Variants in JPT1 observed in about 807,000 individuals in gnomAD.
JPT1 encodes the protein Jupiter microtubule associated homolog 1.
Under a neutral mutation model 17.0 loss-of-function variants are expected in JPT1, and 5 were observed. The observed-to-expected ratio is 0.29, with a 90% CI of 0.15 to 0.62. The LOEUF (loss-of-function observed/expected upper bound fraction) is 0.62, where lower values mean the gene tolerates loss of function less well. Ranked by LOEUF, JPT1 falls within the 20% of genes least tolerant of loss-of-function variation. The pLI, the probability that JPT1 is intolerant of heterozygous loss-of-function variation, is 0.85. For synonymous variants in JPT1, 71 were observed against 73.6 expected, an observed-to-expected ratio of 0.96 and a Z score of 0.18; for missense variants, 158 against 188.1, an observed-to-expected ratio of 0.84 and a Z score of 0.94.
In JPT1 at chr17:75,150,860, T is replaced by TTTTTGTTTTG. The variant is rs1224667240; in HGVS notation, c.57-2190_57-2189insCAAAACAAAA. On this transcript the variant is annotated intron_variant, in intron 1 of 4. Transcript: ENST00000409753. The stretch of plus-strand genomic sequence containing the variant: ...ACATTTTTCTTTCTTTTTTTTTTTT[T>TTTTTGTTTTG]TTTTTTTTTTTGAGACAGAATCCTG... Among the ~76,000 whole-genome samples the TTTTTGTTTTG allele has an allele frequency of 1.3e-3, 189 of 140,146 alleles. 1 individual carries two copies. Among genetic ancestry groups the TTTTTGTTTTG allele is most frequent in the African/African-American group, 4.8e-3 (186 of 38,922 alleles). 91.9% of individuals were successfully genotyped at this position (140,146 alleles called of 152,430 possible). A position where few individuals can be genotyped will look rare whatever the true frequency, so the allele number is the denominator to read the frequency against.
chr17:75,148,496 C>G (rs532848435), intron 2 of JPT1, 33 bp downstream of exon 2: 1 of 1,612,348 alleles, frequency 6.2e-7, no homozygotes, highest in Non-Finnish European at 8.5e-7. Flanking sequence ...TGGGCCCATC[C>G]CTTTGAACAG....
chr17:75,149,637 G>A (rs1208788652), intron 1 of JPT1, among the ~76,000 whole-genome samples: 1 of 152,100 alleles, frequency 6.6e-6, no homozygotes, highest in Non-Finnish European at 1.5e-5. Context: ...AAAGTGCTAG[G>A]ATTACAGGCA....
rs545035122 is a variant in JPT1 at position 75,137,846 on chromosome 17, C to T, written c.317-1596G>A. ...TATTTTTAGTAGAGACGGGGTTTCG[C>T]CATGTTGGCCAGGCTGGTCTCAAAC... is the stretch of plus-strand genomic sequence containing the variant. On this transcript the variant is annotated intron_variant, in intron 4 of 4. Coordinates refer to ENST00000409753, the MANE Select transcript of JPT1 (RefSeq NM_016185.4). 5.4e-5 allele frequency among the ~76,000 whole-genome samples: 8 copies of T among 147,808 alleles called. No homozygotes were observed. The East Asian group carries it at 1.6e-3, about 30-fold the overall frequency.
In JPT1 at chr17:75,136,249, T is replaced by C; in HGVS notation, c.318A>G (p.Glu106=). The C allele has an allele frequency of 6.3e-7, 1 of 1,576,746 alleles. No individual in the cohort carries two copies. The highest frequency in any genetic ancestry group is 8.6e-7 in the Non-Finnish European group (1 of 1,158,762). Residue 106 remains glutamate (E), a splice_region_variant and synonymous_variant, in exon 5 of 5, where the codon GAA becomes GAG. Transcript: ENST00000409753. ...LDLKGEGDIH[E]NVDTDLPGSL... ...TGCCTGGCAAGTCTGTGTCCACATT[T>C]TCTATGAAAACAGGGAATAGAAATA... is the stretch of plus-strand genomic sequence containing the variant.
Position 75,146,693 on chromosome 17 carries a change from GA to G in JPT1, c.298-10del. On this transcript the variant is annotated splice_polypyrimidine_tract_variant and intron_variant, in intron 3 of 4. Coordinates refer to ENST00000409753, the MANE Select transcript of JPT1 (RefSeq NM_016185.4). The stretch of plus-strand genomic sequence containing the variant: ...TGAATATCACCTTCTCCCTAGAAAA[GA>G]AAAAAATTCAAAAATTTACTTCCTA... 1 of 1,526,034 alleles carries G rather than the reference GA, an allele frequency of 6.6e-7. No individual in the cohort carries two copies. The highest frequency in any genetic ancestry group is 8.9e-7 in the Non-Finnish European group (1 of 1,124,586). 94.5% of individuals were successfully genotyped at this position (1,526,034 alleles called of 1,614,324 possible). A position where few individuals can be genotyped will look rare whatever the true frequency, so the allele number is the denominator to read the frequency against.
At chr17:75,151,186 A>C (rs1021011045) in intron 1 of JPT1, among the ~76,000 whole-genome samples, 1 of 151,998 alleles carries the variant, frequency 6.6e-6, no homozygotes, top group African/African-American at 2.4e-5. Flanking sequence ...TAGCACTTCT[A>C]TCTGGGCGTG....
intron 4 of JPT1, among the ~76,000 whole-genome samples, chr17:75,139,871 G>C (rs546000246): frequency 2.6e-5 from 4 of 152,180 alleles, no homozygotes; most frequent in South Asian, 2.1e-4. Flanking sequence ...AGAGGAGGGA[G>C]GTTTGTTTGT....
chr17:75,150,443 G>A (rs1179196848), intron 1 of JPT1, among the ~76,000 whole-genome samples: 1 of 152,136 alleles, frequency 6.6e-6, no homozygotes, highest in East Asian at 1.9e-4. Flanking sequence ...AGTAGAGACG[G>A]GGTTTCGCCA....
In JPT1 at chr17:75,136,260, C is replaced by A. The variant is rs762290108; in HGVS notation, c.317-10G>T. 1 of 1,568,362 alleles carries A rather than the reference C, an allele frequency of 6.4e-7. No individual in the cohort carries two copies. The highest frequency in any genetic ancestry group is 1.2e-5 in the South Asian group (1 of 86,564). ...TCTGTGTCCACATTTTCTATGAAAA[C>A]AGGGAATAGAAATAATACTCATAAT... is the stretch of plus-strand genomic sequence containing the variant. On this transcript the variant is annotated splice_polypyrimidine_tract_variant and intron_variant, in intron 4 of 4. Transcript: ENST00000409753.
intron 1 of JPT1, 112 bp from the exon 2 acceptor site, chr17:75,148,783 C>CTA (rs1392585221): frequency 1.6e-6 from 2 of 1,232,312 alleles, no homozygotes; most frequent in Admixed American, 2.4e-5. Flanking sequence ...TCCCTCACCC[C>CTA]TACAACAGAT....
intron 4 of JPT1, among the ~76,000 whole-genome samples, chr17:75,138,109 C>T (rs1401198433): frequency 2.0e-5 from 3 of 151,744 alleles, no homozygotes; most frequent in South Asian, 4.2e-4. Flanking sequence ...TATAGGTGCC[C>T]GCTACAACGC....
At position 75,154,404 on chromosome 17, in the gene JPT1, G is replaced by A. The variant is rs1598213435; in HGVS notation, c.-7C>T. The A allele has an allele frequency of 1.3e-6, 2 of 1,548,142 alleles. No homozygotes were observed. The highest frequency in any genetic ancestry group is 8.7e-7 in the Non-Finnish European group (1 of 1,145,692). ...AGGTGGTGGTTGTGGTCATGGCGCC[G>A]AGGAGCGAGGTAGGCTGGCGCCGGA... On this transcript the variant is annotated 5_prime_UTR_variant, in exon 1 of 5. Coordinates refer to ENST00000409753, the MANE Select transcript of JPT1 (RefSeq NM_016185.4).
chr17:75,136,114 G>T lies in JPT1; in HGVS notation c.453C>A (p.Leu151=). 1 of 1,614,234 alleles carries T rather than the reference G, an allele frequency of 6.2e-7. No individual in the cohort carries two copies. The highest frequency in any genetic ancestry group is 8.5e-7 in the Non-Finnish European group (1 of 1,180,044). ...RRNPPGGKSS[L]VLG is the part of the protein sequence containing the mutation. ...AGGACAGTCAGAGCTAACCCAAGAC[G>T]AGGCTGGACTTGCCGCCAGGGGGAT... Residue 151 remains leucine, a synonymous_variant, in exon 5 of 5, where the codon CTC becomes CTA. Transcript: ENST00000409753.
At chr17:75,144,875 G>GA (rs1440348038) in intron 4 of JPT1, among the ~76,000 whole-genome samples, 2 of 151,886 alleles carry the variant, frequency 1.3e-5, no homozygotes, top group African/African-American at 4.8e-5. Context: ...GTTGTGGTGT[G>GA]AAAAAAAGAG....
In JPT1 at chr17:75,152,008, C is replaced by A. The variant is rs543716510; in HGVS notation, c.56+2334G>T. ...AAATCAAGAAAAAGACACTAGTACC[C>A]GAACACCAGCTTAAGAGCAAGTCAA... is the stretch of plus-strand genomic sequence containing the variant. On this transcript the variant is annotated intron_variant, in intron 1 of 4. Coordinates refer to ENST00000409753, the MANE Select transcript of JPT1 (RefSeq NM_016185.4). Among the ~76,000 whole-genome samples, 7 of 152,064 alleles carry A rather than the reference C, an allele frequency of 4.6e-5. No homozygotes were observed. In the East Asian group the frequency reaches 1.2e-3, roughly 25 times the overall value.
intron 4 of JPT1, chr17:75,142,648 G>C: frequency 3.4e-6 from 1 of 296,528 alleles, no homozygotes; most frequent in Non-Finnish European, 6.3e-6. Context: ...GGGGAGGGGG[G>C]GATGGAGGGA....
chr17:75,146,321 T>C (rs1415047279), intron 4 of JPT1: 1 of 198,802 alleles, frequency 5.0e-6, no homozygotes, highest in African/African-American at 2.3e-5. Context: ...CTAGGCTAAT[T>C]TTTGTACTTT....
chr17:75,146,747 C>A, intron 3 of JPT1, 63 bp from the exon 4 acceptor site: 1 of 981,824 alleles, frequency 1.0e-6, no homozygotes, highest in South Asian at 1.4e-5. Flanking sequence ...GCAAAACAGT[C>A]ATAGTTCATA....
chr17:75,149,046 G>A (rs1315789748), intron 1 of JPT1: 5 of 1,281,240 alleles, frequency 3.9e-6, no homozygotes, highest in African/African-American at 1.5e-5. Context: ...AGTATTTCTT[G>A]TTATTATTCA....
Sources: gnomAD v4.1 joint callset for allele counts (sites outside exome capture counted in the v4.1 genomes callset) on GRCh38, gnomAD v4.1.1 for gene constraint, MANE v1.5 for transcripts, NCBI Gene and HGNC (gene_info 2026-07-23, HGNC 2026-07-21) for gene names.